GGTA1: variants seen among roughly 807,000 people sequenced by gnomAD.
The protein encoded by GGTA1 is glycoprotein alpha-galactosyltransferase 1 (inactive).
A neutral mutation model predicts 2.6 loss-of-function variants in GGTA1; 5 were observed. That is an observed-to-expected ratio of 1.92 (90% confidence interval 1.00 to 4.04). The LOEUF (loss-of-function observed/expected upper bound fraction) is 4.04, where lower values mean the gene tolerates loss of function less well. GGTA1 is among the 30% of genes most tolerant of loss of function. The pLI, the probability that GGTA1 is intolerant of heterozygous loss-of-function variation, is 0.00. For missense variants in GGTA1, 50 were observed against 16.7 expected (o/e 2.99, Z -3.47); for synonymous variants, 17 against 5.0 (o/e 3.38, Z -3.19).
At chr9:121,480,692 T>C (rs1828624854) in intron 1 of GGTA1, among the ~76,000 whole-genome samples, 1 of 152,190 alleles carries the variant, frequency 6.6e-6, no homozygotes, top group African/African-American at 2.4e-5. Context: ...ATGAGTTATT[T>C]GGCCACAACC....
chr9:121,460,051 C>A (rs145895996), intron 5 of GGTA1, 53 bp downstream of exon 5: 2 of 452,332 alleles, frequency 4.4e-6, no homozygotes, highest in Non-Finnish European at 8.9e-6. Flanking sequence ...TGCCACACCA[C>A]CCCCTGCAGG....
intron 4 of GGTA1, among the ~76,000 whole-genome samples, chr9:121,460,532 T>C (rs2064951759): frequency 6.6e-6 from 1 of 152,194 alleles, no homozygotes; most frequent in Admixed American, 6.5e-5. Context: ...TTTTAGTTTA[T>C]GATTGTCTTT....
intron 1 of GGTA1, among the ~76,000 whole-genome samples, chr9:121,482,037 T>C (rs1408752320): frequency 1.3e-5 from 2 of 151,158 alleles, no homozygotes; most frequent in African/African-American, 4.9e-5. Flanking sequence ...AAATCAGAAA[T>C]CTTCCTGCTG....
At position 121,476,811 on chromosome 9, in the gene GGTA1, T is replaced by C. The variant is rs903124418; in HGVS notation, c.-9-8880A>G. On this transcript the variant is annotated intron_variant, in intron 1 of 5. Transcript: ENST00000481799. This position sits in a 1 kb window ranked among gnomAD's most constrained non-coding sequence, Gnocchi z 4.6. ...GCCTGATTTCCCATTAGGGTGAGCA[T>C]GAGAAAGCCCCAAATGCTTCCCAGA... is the stretch of plus-strand genomic sequence containing the variant. 6.6e-6 allele frequency among the ~76,000 whole-genome samples: 1 copy of C among 152,128 alleles called. No homozygotes were observed. Among genetic ancestry groups the C allele is most frequent in the Non-Finnish European group, 1.5e-5 (1 of 68,012 alleles).
chr9:121,462,680 T>C (rs958681620), intron 3 of GGTA1: 1 of 152,122 alleles, frequency 6.6e-6, no homozygotes, highest in Non-Finnish European at 1.5e-5. Flanking sequence ...GCTGGGTGGA[T>C]TTCAGCAAAT....
At chr9:121,498,603 C>T (rs981236703) in intron 1 of GGTA1, among the ~76,000 whole-genome samples, 2 of 152,186 alleles carry the variant, frequency 1.3e-5, no homozygotes, top group African/African-American at 4.8e-5. Context: ...TGGCAGCAAG[C>T]GGCAGGCCAG....
intron 1 of GGTA1, among the ~76,000 whole-genome samples, chr9:121,472,196 T>G (rs755578054): frequency 5.1e-4 from 77 of 152,352 alleles, no homozygotes; most frequent in Non-Finnish European, 8.7e-4. Flanking sequence ...TTGATGTATT[T>G]TATTATGTGG....
chr9:121,460,736 T>C (rs1398035446), intron 4 of GGTA1, among the ~76,000 whole-genome samples: 1 of 152,006 alleles, frequency 6.6e-6, no homozygotes, highest in African/African-American at 2.4e-5. Flanking sequence ...TCCCAGCTAC[T>C]TGGGAGGCTG....
chr9:121,480,788 TC>T (rs1483182918), intron 1 of GGTA1, among the ~76,000 whole-genome samples: 1 of 152,132 alleles, frequency 6.6e-6, no homozygotes, highest in African/African-American at 2.4e-5. Context: ...CACCTGCCTA[TC>T]CTATTGTTCT....
intron 1 of GGTA1, chr9:121,478,941 G>C: frequency 4.8e-6 from 2 of 413,858 alleles, no homozygotes; most frequent in South Asian, 3.5e-5. Flanking sequence ...ACTTCACCCT[G>C]AGCCCCAAGA....
Position 121,467,398 on chromosome 9 carries a change from A to G in GGTA1, c.80+445T>C, listed in dbSNP as rs141259124. On this transcript the variant is annotated intron_variant, in intron 2 of 5. Coordinates refer to ENST00000481799, the MANE Select transcript of GGTA1 (RefSeq NM_001382585.1). Reference sequence around the variant, plus strand: ...ACAAATGAATCACTAGCAATTCAGTATGTATTTTGCAGCAAAATTCAACAA... The same window carrying G: ...ACAAATGAATCACTAGCAATTCAGTGTGTATTTTGCAGCAAAATTCAACAA... 2.6e-4 allele frequency among the ~76,000 whole-genome samples: 39 copies of G among 152,344 alleles called. No homozygotes were observed. The East Asian group carries it at 7.3e-3, about 29-fold the overall frequency.
At chr9:121,498,638 C>T (rs1829039753) in intron 1 of GGTA1, among the ~76,000 whole-genome samples, 1 of 152,186 alleles carries the variant, frequency 6.6e-6, no homozygotes, top group South Asian at 2.1e-4. Flanking sequence ...TCTCCTGCTT[C>T]CTCAGACACG....
intron 1 of GGTA1, among the ~76,000 whole-genome samples, chr9:121,490,906 A>G (rs1004675119): frequency 6.6e-6 from 1 of 152,172 alleles, no homozygotes; most frequent in Admixed American, 6.5e-5. Context: ...AGCTGCCCCA[A>G]ACATTTTCTG....
chr9:121,466,964 A>AG lies in GGTA1; in HGVS notation c.80+878_80+879insC, dbSNP rs1227814266. 4.6e-5 allele frequency among the ~76,000 whole-genome samples: 7 copies of AG among 152,148 alleles called. No individual in the cohort carries two copies. The East Asian group carries it at 1.4e-3, about 29-fold the overall frequency. ...GAGAGACTCTGTCTCAAAAAAAAAAAAAAAAAAGAATCAAAAGAGATATTC... is the reference window on the plus strand; with the variant it reads ...GAGAGACTCTGTCTCAAAAAAAAAAAGAAAAAAAGAATCAAAAGAGATATTC... On this transcript the variant is annotated intron_variant, in intron 2 of 5. Coordinates refer to ENST00000481799, the MANE Select transcript of GGTA1 (RefSeq NM_001382585.1).
chr9:121,499,805 C>T lies in GGTA1; in HGVS notation c.-165G>A, dbSNP rs1229249017. 1.3e-5 allele frequency: 2 copies of T among 152,160 alleles called. No individual in the cohort carries two copies. Among genetic ancestry groups the T allele is most frequent in the African/African-American group, 2.4e-5 (1 of 41,554 alleles). The allele number at this position is 152,160 out of a possible 1,614,324, so 9.4% of individuals were successfully genotyped here. A position where few individuals can be genotyped will look rare whatever the true frequency, so the allele number is the denominator to read the frequency against. ...GAGGCGCGTCCTCCCGCCCGTGGGCCGGCCGGCCGGGCTTCTGCTCTGGGC... is the reference window on the plus strand; with the variant it reads ...GAGGCGCGTCCTCCCGCCCGTGGGCTGGCCGGCCGGGCTTCTGCTCTGGGC... On this transcript the variant is annotated 5_prime_UTR_variant, in exon 1 of 6. Transcript: ENST00000481799.
downstream of GGTA1, among the ~76,000 whole-genome samples, chr9:121,453,907 T>C (rs10818537): frequency 0.52 from 78,705 of 151,950 alleles, 20,987 homozygotes; most frequent in South Asian, 0.66. Context: ...TCGGGCCTCC[T>C]GTCCCTTGTC....
downstream of GGTA1, among the ~76,000 whole-genome samples, chr9:121,453,605 T>C (rs1003899051): frequency 2.1e-4 from 32 of 152,324 alleles, no homozygotes; most frequent in Admixed American, 1.3e-3. Context: ...GCTTGTACTT[T>C]ACTGGATTCA....
intron 1 of GGTA1, among the ~76,000 whole-genome samples, chr9:121,482,928 G>A (rs779530220): frequency 2.0e-5 from 3 of 152,134 alleles, no homozygotes; most frequent in Non-Finnish European, 4.4e-5. Context: ...TCCAGCATGG[G>A]TGACAGAGCG....
chr9:121,487,747 G>A (rs185364132), intron 1 of GGTA1, among the ~76,000 whole-genome samples: 4 of 152,078 alleles, frequency 2.6e-5, no homozygotes, highest in Admixed American at 6.5e-5. Flanking sequence ...GTGGAATCTC[G>A]TTCTGTCACC....
Sources: allele counts gnomAD v4.1 joint callset (sites outside exome capture counted in the v4.1 genomes callset), GRCh38; gene constraint gnomAD v4.1.1; non-coding constraint Gnocchi (gnomAD v3.1); transcripts MANE v1.5; gene names NCBI Gene and HGNC (gene_info 2026-07-23, HGNC 2026-07-21).